The following LPIN1 variants were observed in gnomAD, a reference collection of about 807,000 sequenced individuals.
The protein encoded by LPIN1 is lipin 1.
LPIN1 carries 71 observed loss-of-function variants against 107.5 expected under a neutral mutation model. That is an observed-to-expected ratio of 0.66 (90% CI 0.55 to 0.80). The LOEUF (loss-of-function observed/expected upper bound fraction) is 0.80. LPIN1 is among the 30% of genes least tolerant of loss of function. LPIN1 has a pLI of 0.00. For synonymous variants in LPIN1, 445 were observed against 452.6 expected (o/e 0.98, Z 0.21); for missense variants, 1,043 against 1,160.6 (o/e 0.90, Z 1.47).
chr2:11,788,328 G>T, intron 11 of LPIN1, 59 bp from the exon 12 acceptor site: 2 of 1,327,060 alleles, frequency 1.5e-6, no homozygotes, highest in Non-Finnish European at 2.2e-6. Flanking sequence ...ATATGACATT[G>T]GAAAGGTTTT....
At chr2:11,808,680 C>T (rs1679132055) in intron 17 of LPIN1, among the ~76,000 whole-genome samples, 1 of 152,038 alleles carries the variant, frequency 6.6e-6, no homozygotes, top group South Asian at 2.1e-4. Context: ...TTGAGACCAG[C>T]CTGGCCAACA....
intron 1 of LPIN1, among the ~76,000 whole-genome samples, chr2:11,732,911 C>CTCTGTGTGTG (rs560068426): frequency 6.7e-6 from 1 of 149,010 alleles, no homozygotes; most frequent in African/African-American, 2.5e-5. Context: ...CTCTCTCTCT[C>CTCTGTGTGTG]TGTGTGTGTG....
intron 1 of LPIN1, among the ~76,000 whole-genome samples, chr2:11,751,481 C>G (rs1044566424): frequency 1.3e-5 from 2 of 152,196 alleles, no homozygotes; most frequent in African/African-American, 4.8e-5. Context: ...AGGGGTGAAT[C>G]TTGTGAATCT....
chr2:11,759,549 C>T (rs1175912344), intron 1 of LPIN1, among the ~76,000 whole-genome samples: 3 of 152,222 alleles, frequency 2.0e-5, no homozygotes, highest in African/African-American at 7.2e-5. Context: ...TTTCTTAGTA[C>T]AGAACAAAAT....
chr2:11,746,827 G>T (rs1667018177), intron 1 of LPIN1, among the ~76,000 whole-genome samples, 156 bp downstream of exon 1: 1 of 152,032 alleles, frequency 6.6e-6, no homozygotes, highest in African/African-American at 2.4e-5. Context: ...ACGTCCCCGG[G>T]GCCCTCTACG....
intron 17 of LPIN1, among the ~76,000 whole-genome samples, chr2:11,805,932 C>G (rs1678597752): frequency 6.6e-6 from 1 of 152,186 alleles, no homozygotes; most frequent in Non-Finnish European, 1.5e-5. Flanking sequence ...CAGGCCCAAG[C>G]CTCTCTCCCG....
intron 1 of LPIN1, among the ~76,000 whole-genome samples, chr2:11,693,788 G>GTGTATATATATATATATATA (rs1375045563): frequency 4.9e-5 from 2 of 41,012 alleles, no homozygotes; most frequent in African/African-American, 1.9e-4. Context: ...GTGTGAGTGT[G>GTGTATATATATATATATATA]TATATATATA....
intron 1 of LPIN1, among the ~76,000 whole-genome samples, chr2:11,696,604 G>A (rs1438749927): frequency 2.0e-5 from 3 of 152,186 alleles, no homozygotes; most frequent in East Asian, 1.9e-4. Flanking sequence ...TGGCGAGCAA[G>A]GTGTCTGTAG....
chr2:11,757,324 G>A (rs1221378747), intron 1 of LPIN1, among the ~76,000 whole-genome samples: 1 of 152,132 alleles, frequency 6.6e-6, no homozygotes, highest in Non-Finnish European at 1.5e-5. Flanking sequence ...GCTTGATCAC[G>A]TGTTTTAGCA....
At chr2:11,721,263 CGTGTGTGTGTGTGTGTGT>C (rs5829326), upstream of LPIN1, among the ~76,000 whole-genome samples, 5 of 129,886 alleles carry the variant, frequency 3.8e-5, no homozygotes, top group South Asian at 2.9e-4. Flanking sequence ...GTACTGCATG[CGTGTGTGTGTGTGTGTGT>C]GTGTGTGTGT....
chr2:11,804,389 A>G (rs748603431), intron 15 of LPIN1, 34 bp from the exon 16 acceptor site: 2 of 1,613,694 alleles, frequency 1.2e-6, no homozygotes, highest in Non-Finnish European at 1.7e-6. Context: ...CCTTTCCCTC[A>G]AGCAGACAAA....
chr2:11,715,818 A>G (rs1037812071), intron 2 of LPIN1, among the ~76,000 whole-genome samples: 3 of 152,026 alleles, frequency 2.0e-5, no homozygotes, highest in African/African-American at 4.8e-5. Flanking sequence ...ATGGAGGAGG[A>G]GGATGGGTAC....
chr2:11,722,868 C>G (rs1331221088), upstream of LPIN1, among the ~76,000 whole-genome samples: 1 of 152,202 alleles, frequency 6.6e-6, no homozygotes, highest in Non-Finnish European at 1.5e-5. Flanking sequence ...CAATCACACT[C>G]TCATATAGGA....
chr2:11,697,029 T>C lies in LPIN1; in HGVS notation c.82-16727T>C, dbSNP rs190709321. Among the ~76,000 whole-genome samples the C allele has an allele frequency of 2.9e-3, 439 of 152,386 alleles. 8 individuals carry two copies. The highest frequency in any genetic ancestry group is 0.026 in the Admixed American group (399 of 15,312). On this transcript the variant is annotated intron_variant, in intron 1 of 21. Coordinates refer to the LPIN1 transcript ENST00000449576. This position sits in a 1 kb window ranked among gnomAD's most constrained non-coding sequence, Gnocchi z 4.6. ...TCAGAACAGGGGCTCCTGCCCAGCC[T>C]CTGGGTCCCCCACCTGTGGCCCAGG...
chr2:11,791,744 G>A lies in LPIN1; in HGVS notation c.1714-170G>A, dbSNP rs772677845. 1.5e-5 allele frequency: 22 copies of A among 1,450,238 alleles called. No homozygotes were observed. In the Middle Eastern group the frequency reaches 1.2e-3, roughly 77 times the overall value. 89.8% of individuals were successfully genotyped at this position (1,450,238 alleles called of 1,614,324 possible). ...AAGTTACCTTCATGTAATTTTGGAC[G>A]CCATTAGGTTTTGCTTCTCTAAAAT... On this transcript the variant is annotated intron_variant, in intron 12 of 20. Transcript: ENST00000674199.
At chr2:11,733,435 T>C (rs1297058419) in intron 1 of LPIN1, among the ~76,000 whole-genome samples, 1 of 151,758 alleles carries the variant, frequency 6.6e-6, no homozygotes, top group Non-Finnish European at 1.5e-5. Context: ...TATTGTCCTA[T>C]ACACACATAA....
intron 1 of LPIN1, among the ~76,000 whole-genome samples, chr2:11,704,201 G>A (rs1663018750): frequency 6.6e-6 from 1 of 152,240 alleles, no homozygotes; most frequent in Admixed American, 6.5e-5. Context: ...AAGTCACTTA[G>A]GTTAGCTCAG....
intron 1 of LPIN1, among the ~76,000 whole-genome samples, chr2:11,692,259 A>G (rs535073542): frequency 6.6e-6 from 1 of 152,094 alleles, no homozygotes; most frequent in Non-Finnish European, 1.5e-5. Flanking sequence ...TGCCACTAGA[A>G]AGTTTGGTCC....
chr2:11,697,186 G>A lies in LPIN1; in HGVS notation c.82-16570G>A, dbSNP rs1662629556. Among the ~76,000 whole-genome samples, 1 of 152,202 alleles carries A rather than the reference G, an allele frequency of 6.6e-6. No homozygotes were observed. Among genetic ancestry groups the A allele is most frequent in the Non-Finnish European group, 1.5e-5 (1 of 68,034 alleles). ...GCTTGTTCTGCATTGTTTCTAAGAGGAGCTGCCACTCAAATAGGCAGCCCT... is the reference window on the plus strand; with the variant it reads ...GCTTGTTCTGCATTGTTTCTAAGAGAAGCTGCCACTCAAATAGGCAGCCCT... On this transcript the variant is annotated intron_variant, in intron 1 of 21. Transcript: ENST00000449576. This position sits in a 1 kb window ranked among gnomAD's most constrained non-coding sequence, Gnocchi z 4.6.
Sources: allele counts gnomAD v4.1 joint callset (sites outside exome capture counted in the v4.1 genomes callset), GRCh38; gene constraint gnomAD v4.1.1; non-coding constraint Gnocchi (gnomAD v3.1); transcripts MANE v1.5; gene names NCBI Gene and HGNC (gene_info 2026-07-23, HGNC 2026-07-21).